The following ARMH3 variants were observed in gnomAD, a reference collection of about 807,000 sequenced individuals.
ARMH3 encodes the protein armadillo-like helical domain-containing protein 3.
ARMH3 carries 60 observed loss-of-function variants against 99.1 expected under a neutral mutation model. That is an observed-to-expected ratio of 0.61 (90% CI 0.49 to 0.75). The LOEUF (loss-of-function observed/expected upper bound fraction) is 0.75. Among genes scored for constraint, ARMH3 ranks in the 30% least tolerant of loss-of-function variants. The pLI is 0.00. For missense variants in ARMH3, 679 were observed against 843.1 expected (o/e 0.81, Z 2.41); for synonymous variants, 285 against 292.8 (o/e 0.97, Z 0.27).
chr10:101,890,557 T>C (rs148586783), intron 23 of ARMH3, among the ~76,000 whole-genome samples: 2 of 152,214 alleles, frequency 1.3e-5, no homozygotes, highest in African/African-American at 2.4e-5. Context: ...ATCTTTCTCA[T>C]AGAACAATTT....
intron 23 of ARMH3, among the ~76,000 whole-genome samples, chr10:101,927,246 T>G (rs1843543452): frequency 6.6e-6 from 1 of 152,134 alleles, no homozygotes; most frequent in Non-Finnish European, 1.5e-5. Context: ...AGGTAGGAGA[T>G]CCAATCAATT....
Position 101,993,555 on chromosome 10 carries a change from C to T in ARMH3, c.1258G>A (p.Val420Ile). The T allele has an allele frequency of 2.5e-6, 4 of 1,599,954 alleles. No individual in the cohort carries two copies. Among genetic ancestry groups the T allele is most frequent in the Non-Finnish European group, 3.4e-6 (4 of 1,174,508 alleles). ...ACACCTACCATTCTATGTAAGTTTACTCGAAAATTCATGTTGTCATCATGC... is the reference window on the plus strand; with the variant it reads ...ACACCTACCATTCTATGTAAGTTTATTCGAAAATTCATGTTGTCATCATGC... ...FLHDDNMNFR[V>I]NLHRMPMRHR... The change falls in exon 17 of 26, where the codon GTA becomes ATA. Residue 420 changes from valine (V) to isoleucine (I), a missense_variant. By Grantham distance (29) the Val-to-Ile change is conservative. Coordinates refer to ENST00000370033, the MANE Select transcript of ARMH3 (RefSeq NM_024541.3).
chr10:101,865,425 C>T (rs1215281201), intron 24 of ARMH3, among the ~76,000 whole-genome samples: 6 of 151,990 alleles, frequency 3.9e-5, no homozygotes, highest in African/African-American at 7.3e-5. Context: ...TGTAAGCAAA[C>T]GTAAAGAGGC....
chr10:102,037,401 C>T (rs2067303045), intron 2 of ARMH3, among the ~76,000 whole-genome samples: 1 of 151,958 alleles, frequency 6.6e-6, no homozygotes, highest in African/African-American at 2.4e-5. Flanking sequence ...TCAGGCTGGT[C>T]TCAAACATCT....
At chr10:102,009,324 G>A (rs181385997) in intron 13 of ARMH3, 50 bp downstream of exon 13, 45 of 1,493,880 alleles carry the variant, frequency 3.0e-5, no homozygotes, top group Non-Finnish European at 3.2e-5. Flanking sequence ...GGAATTAATC[G>A]GTATGAAATT....
At chr10:101,937,913 C>T (rs1040273854) in intron 23 of ARMH3, among the ~76,000 whole-genome samples, 1 of 152,166 alleles carries the variant, frequency 6.6e-6, no homozygotes, top group Non-Finnish European at 1.5e-5. Flanking sequence ...GGCTGGAGTG[C>T]AGTGGCATGA....
At chr10:101,851,872 G>C (rs1312166856) in intron 24 of ARMH3, among the ~76,000 whole-genome samples, 1 of 152,172 alleles carries the variant, frequency 6.6e-6, no homozygotes, top group Non-Finnish European at 1.5e-5. Context: ...CATTCCACTT[G>C]TCAGTTCTGT....
At chr10:101,946,071 CAAAAAAAA>C (rs569179050) in intron 22 of ARMH3, among the ~76,000 whole-genome samples, 27 of 34,468 alleles carry the variant, frequency 7.8e-4, no homozygotes, top group African/African-American at 4.1e-3. Flanking sequence ...GACTCTGCCT[CAAAAAAAA>C]AAAAAAAAAA....
At chr10:101,904,347 C>T (rs2068051183) in intron 23 of ARMH3, among the ~76,000 whole-genome samples, 1 of 152,138 alleles carries the variant, frequency 6.6e-6, no homozygotes, top group Non-Finnish European at 1.5e-5. Flanking sequence ...CACACACATT[C>T]CCTCAGCAGG....
chr10:102,036,269 C>T (rs1337614225), intron 2 of ARMH3, among the ~76,000 whole-genome samples: 1 of 146,762 alleles, frequency 6.8e-6, no homozygotes, highest in Non-Finnish European at 1.5e-5. Flanking sequence ...GGGGCACATC[C>T]GCCCGGCCGC....
At chr10:101,959,898 C>G (rs1845202607) in intron 20 of ARMH3, among the ~76,000 whole-genome samples, 1 of 152,198 alleles carries the variant, frequency 6.6e-6, no homozygotes, top group Admixed American at 6.5e-5. Flanking sequence ...TCTACAGGGG[C>G]TGGGCGCAGT....
rs1165691326 is a variant in ARMH3, at chr10:102,000,907, C to A, written c.1150+1064G>T. ...TCTCAACTCTCTACAACCTCCACCT[C>A]CCGGGTTCAAGCAATTCTCCTGTAT... On this transcript the variant is annotated intron_variant, in intron 15 of 25. Coordinates refer to ENST00000370033, the MANE Select transcript of ARMH3 (RefSeq NM_024541.3). Among the ~76,000 whole-genome samples the A allele has an allele frequency of 3.3e-5, 5 of 152,220 alleles. No homozygotes were observed. In the South Asian group the frequency reaches 8.3e-4, roughly 25 times the overall value.
In ARMH3 at chr10:101,992,739, G is replaced by A. The variant is rs548533023; in HGVS notation, c.1276-701C>T. Among the ~76,000 whole-genome samples the A allele has an allele frequency of 1.6e-4, 24 of 151,826 alleles. No individual in the cohort carries two copies. In the East Asian group the frequency reaches 3.7e-3, roughly 23 times the overall value. On this transcript the variant is annotated intron_variant, in intron 17 of 25. Coordinates refer to ENST00000370033, the MANE Select transcript of ARMH3 (RefSeq NM_024541.3). ...CTCAATCTCCTGACCTTGTGATCCC[G>A]CCTTGGCCTCCCAAAGTGTTGGGAT...
intron 2 of ARMH3, among the ~76,000 whole-genome samples, chr10:102,035,553 G>A (rs2067234951): frequency 6.6e-6 from 1 of 152,024 alleles, no homozygotes; most frequent in Non-Finnish European, 1.5e-5. Flanking sequence ...GCAGGCGCGC[G>A]CTGCCACGCC....
Position 101,997,138 on chromosome 10 carries a change from A to G in ARMH3, c.1151-1783T>C, listed in dbSNP as rs144399353. Reference sequence around the variant, plus strand: ...AAATCAGCCAGGCGTGGTGGCATGCACCTGTAATCCCAGCTACTCAGGAGG... The same window carrying G: ...AAATCAGCCAGGCGTGGTGGCATGCGCCTGTAATCCCAGCTACTCAGGAGG... On this transcript the variant is annotated intron_variant, in intron 15 of 25. Coordinates refer to ENST00000370033, the MANE Select transcript of ARMH3 (RefSeq NM_024541.3). Among the ~76,000 whole-genome samples, 1,439 of 151,674 alleles carry G rather than the reference A, an allele frequency of 9.5e-3. 19 individuals are homozygous for G. Among genetic ancestry groups the G allele is most frequent in the African/African-American group, 0.033 (1,363 of 41,334 alleles).
At position 101,957,735 on chromosome 10, in the gene ARMH3, TTA is replaced by T; in HGVS notation, c.1496-5_1496-4del. On this transcript the variant is annotated splice_region_variant and splice_polypyrimidine_tract_variant and intron_variant, in intron 20 of 25. Coordinates refer to ENST00000370033, the MANE Select transcript of ARMH3 (RefSeq NM_024541.3). ...GAACTTCAGCAAATTTATCAAGGCT[TTA>T]AAAAAAAAAAAAAAGACATCAACAA... The T allele has an allele frequency of 1.4e-6, 2 of 1,397,820 alleles. No homozygotes were observed. Among genetic ancestry groups the T allele is most frequent in the Non-Finnish European group, 9.2e-7 (1 of 1,085,780 alleles). 86.6% of individuals were successfully genotyped at this position (1,397,820 alleles called of 1,614,324 possible).
At chr10:101,966,601 T>C (rs1345037844) in intron 20 of ARMH3, among the ~76,000 whole-genome samples, 1 of 152,012 alleles carries the variant, frequency 6.6e-6, no homozygotes, top group Non-Finnish European at 1.5e-5. Context: ...CATCTGAGAA[T>C]CCTGCCATCT....
At chr10:101,975,569 A>AGT in intron 19 of ARMH3, among the ~76,000 whole-genome samples, 1 of 152,132 alleles carries the variant, frequency 6.6e-6, no homozygotes, top group African/African-American at 2.4e-5. Flanking sequence ...CATCTCTACT[A>AGT]AAAGTACAAA....
intron 24 of ARMH3, among the ~76,000 whole-genome samples, chr10:101,881,921 T>C (rs562966993): frequency 3.0e-4 from 45 of 152,316 alleles, no homozygotes; most frequent in Non-Finnish European, 5.1e-4. Context: ...TCTTTTCTCC[T>C]CCGTATGGCC....
Sources: gnomAD v4.1 joint callset for allele counts (sites outside exome capture counted in the v4.1 genomes callset) on GRCh38, gnomAD v4.1.1 for gene constraint, MANE v1.5 for transcripts, NCBI Gene and HGNC (gene_info 2026-07-23, HGNC 2026-07-21) for gene names.